Variants in SGCD observed in about 807,000 individuals in gnomAD.
SGCD encodes the protein sarcoglycan delta, also known as delta-sarcoglycan.
Under a neutral mutation model 36.6 loss-of-function variants are expected in SGCD, and 18 were observed. That is an observed-to-expected ratio of 0.49 (90% CI 0.34 to 0.73). SGCD has a LOEUF of 0.73. SGCD is among the 30% of genes least tolerant of loss of function. The pLI is 0.01. For synonymous variants in SGCD, 133 were observed against 130.6 expected (o/e 1.02, Z -0.12); for missense variants, 387 against 346.7 (o/e 1.12, Z -0.92).
At chr5:155,829,521 T>C in the SGCD span, among the ~76,000 whole-genome samples, 2 of 152,220 alleles carry the variant, frequency 1.3e-5, no homozygotes, top group Non-Finnish European at 2.9e-5. Context: ...GTGATGGCTG[T>C]ATTTATTTCC....
intron 1 of SGCD, among the ~76,000 whole-genome samples, chr5:156,020,330 G>A (rs756833584): frequency 5.9e-5 from 9 of 152,050 alleles, no homozygotes; most frequent in Non-Finnish European, 1.2e-4. Flanking sequence ...TTCTTTCTCT[G>A]TAATTCAAGA....
intron 7 of SGCD, among the ~76,000 whole-genome samples, chr5:156,667,672 C>T (rs1392357719): frequency 1.3e-5 from 2 of 152,194 alleles, no homozygotes; most frequent in Non-Finnish European, 2.9e-5. Flanking sequence ...TTGAATTTGG[C>T]CTAAATGCCT....
At chr5:156,579,342 A>G (rs1169985482) in intron 4 of SGCD, among the ~76,000 whole-genome samples, 1 of 152,132 alleles carries the variant, frequency 6.6e-6, no homozygotes, top group Non-Finnish European at 1.5e-5. Flanking sequence ...TTATGTGGTC[A>G]ATTTTGGAAG....
chr5:156,465,181 ACCT>A (rs1323946978), intron 3 of SGCD, among the ~76,000 whole-genome samples: 1 of 151,984 alleles, frequency 6.6e-6, no homozygotes, highest in African/African-American at 2.4e-5. Context: ...CCTCCAGGAA[ACCT>A]CCTACCTACC....
At chr5:155,794,577 C>T in the SGCD span, among the ~76,000 whole-genome samples, 7,217 of 151,650 alleles carry the variant, frequency 0.048, 225 homozygotes, top group Middle Eastern at 0.14. Context: ...TGAATACAGC[C>T]GTAGATGGGA....
intron 1 of SGCD, among the ~76,000 whole-genome samples, chr5:155,884,724 G>T (rs1755965922): frequency 6.6e-6 from 1 of 152,232 alleles, no homozygotes; most frequent in Admixed American, 6.5e-5. Flanking sequence ...TCCACTTGTT[G>T]GTTACGTGAC....
At chr5:155,729,694 G>A in the SGCD span, among the ~76,000 whole-genome samples, 1 of 152,330 alleles carries the variant, frequency 6.6e-6, no homozygotes, top group Non-Finnish European at 1.5e-5. Context: ...GGCTGCCTCT[G>A]CTGCTTCTAG....
At chr5:156,070,040 T>G (rs1218875027) in intron 1 of SGCD, among the ~76,000 whole-genome samples, 1 of 151,822 alleles carries the variant, frequency 6.6e-6, no homozygotes, top group African/African-American at 2.4e-5. Context: ...GCTGAGACAA[T>G]GGGGTTTTCT....
At chr5:155,904,883 G>C (rs1007626604) in intron 1 of SGCD, among the ~76,000 whole-genome samples, 3 of 152,132 alleles carry the variant, frequency 2.0e-5, no homozygotes, top group African/African-American at 7.2e-5. Flanking sequence ...TTACTCACAA[G>C]TTAGGAAACT....
chr5:155,787,159 C>T, the SGCD span, among the ~76,000 whole-genome samples: 2 of 152,164 alleles, frequency 1.3e-5, no homozygotes, highest in South Asian at 4.1e-4. Flanking sequence ...TTAAGTACTA[C>T]CCTCAGCACA....
chr5:156,576,583 CTTG>C (rs1290905832), intron 4 of SGCD, among the ~76,000 whole-genome samples: 10 of 152,142 alleles, frequency 6.6e-5, no homozygotes, highest in African/African-American at 2.4e-4. Context: ...CTCTCCAGCA[CTTG>C]TTGTTTCCCA....
chr5:156,546,348 A>G (rs6890183), intron 4 of SGCD, among the ~76,000 whole-genome samples: 5,838 of 152,182 alleles, frequency 0.038, 236 homozygotes, highest in African/African-American at 0.097. Flanking sequence ...TTGTTTCTCT[A>G]TGTCTCTCAT....
At chr5:156,622,404 G>T (rs1446569699) in intron 6 of SGCD, among the ~76,000 whole-genome samples, 1 of 150,008 alleles carries the variant, frequency 6.7e-6, no homozygotes, top group Admixed American at 6.7e-5. Context: ...CTGCACTCCA[G>T]TCTGGGTGAC....
At chr5:156,423,248 A>ATAAT (rs1773450288) in intron 3 of SGCD, among the ~76,000 whole-genome samples, 3 of 83,180 alleles carry the variant, frequency 3.6e-5, no homozygotes, top group South Asian at 6.7e-4. Context: ...TATATTTTAT[A>ATAAT]ATATTATATT....
At chr5:156,354,659 C>T (rs1008993133) in intron 3 of SGCD, among the ~76,000 whole-genome samples, 2 of 152,186 alleles carry the variant, frequency 1.3e-5, no homozygotes, top group African/African-American at 4.8e-5. Flanking sequence ...TAGCCATTCA[C>T]ACATGGAAAC....
rs528646203 is a variant in SGCD, at chr5:156,350,688, G to A, written c.192+6011G>A. Among the ~76,000 whole-genome samples the A allele has an allele frequency of 1.4e-4, 21 of 152,210 alleles. No individual in the cohort carries two copies. The South Asian group carries it at 4.1e-3, about 30-fold the overall frequency. On this transcript the variant is annotated intron_variant, in intron 3 of 8. Coordinates refer to ENST00000337851, the MANE Select transcript of SGCD (RefSeq NM_000337.6). ...TATTTCATTTTCCCCATACATTGGA[G>A]AGTGTGTGTTTTACCTACACTGTAA...
chr5:155,856,423 A>T, the SGCD span, among the ~76,000 whole-genome samples: 5 of 152,346 alleles, frequency 3.3e-5, no homozygotes, highest in African/African-American at 1.2e-4. Flanking sequence ...AAACTGCCTA[A>T]AAACTCTAAA....
chr5:156,230,506 T>C (rs1764989143), intron 3 of SGCD, among the ~76,000 whole-genome samples: 1 of 152,176 alleles, frequency 6.6e-6, no homozygotes, highest in African/African-American at 2.4e-5. Context: ...TTGGGGGTTG[T>C]CTGCACAGAC....
rs1358706961 is a variant in SGCD at position 156,202,190 on chromosome 5, C to T, written c.-44+78171C>T. ...AGTGATCTCTCCATTGATTGTGGCC[C>T]CACTCACCACTTAACTCCTCCTGGA... On this transcript the variant is annotated intron_variant, in intron 3 of 9. Coordinates refer to the SGCD transcript ENST00000517913. 2.0e-5 allele frequency among the ~76,000 whole-genome samples: 3 copies of T among 152,126 alleles called. No individual in the cohort carries two copies. The South Asian group carries it at 6.2e-4, about 31-fold the overall frequency.
Sources: allele counts gnomAD v4.1 joint callset (sites outside exome capture counted in the v4.1 genomes callset), GRCh38; gene constraint gnomAD v4.1.1; transcripts MANE v1.5; gene names NCBI Gene and HGNC (gene_info 2026-07-23, HGNC 2026-07-21).